KDM4C: variants seen among roughly 807,000 people sequenced by gnomAD.
KDM4C encodes lysine demethylase 4C, also known as lysine-specific demethylase 4C.
A neutral mutation model predicts 129.3 loss-of-function variants in KDM4C; 81 were observed. The ratio of observed to expected loss-of-function variants is 0.63; its 90% confidence interval spans 0.52 to 0.75. The LOEUF (loss-of-function observed/expected upper bound fraction) is 0.75. Ranked by LOEUF, KDM4C falls within the 30% of genes least tolerant of loss-of-function variation. The pLI, the probability that KDM4C is intolerant of heterozygous loss-of-function variation, is 0.00. For missense variants in KDM4C, 1,457 were observed against 1,304.0 expected, an observed-to-expected ratio of 1.12 and a Z score of -1.81; for synonymous variants, 573 against 456.1, an observed-to-expected ratio of 1.26 and a Z score of -3.26.
intron 8 of KDM4C, among the ~76,000 whole-genome samples, chr9:6,935,934 C>T (rs879421854): frequency 2.2e-4 from 34 of 152,190 alleles, no homozygotes; most frequent in Admixed American, 5.9e-4. Context: ...GAATAATAAA[C>T]AGTAAGAGTT....
intron 21 of KDM4C, among the ~76,000 whole-genome samples, chr9:7,174,268 A>G (rs3753002): frequency 0.6 from 84,299 of 139,578 alleles, 23,570 homozygotes; most frequent in East Asian, 0.66. Context: ...GAGATGAAAA[A>G]TGAGGGAAGT....
intron 8 of KDM4C, among the ~76,000 whole-genome samples, chr9:6,953,833 C>T (rs1202279954): frequency 6.6e-6 from 1 of 152,186 alleles, no homozygotes; most frequent in African/African-American, 2.4e-5. Context: ...TCTCTGCTTC[C>T]TGCTGCCTCA....
intron 12 of KDM4C, among the ~76,000 whole-genome samples, chr9:6,990,992 C>T (rs1563944895): frequency 6.6e-6 from 1 of 152,144 alleles, no homozygotes; most frequent in Admixed American, 6.5e-5. Flanking sequence ...CTTTTTCCTT[C>T]ACTAGATCGC....
At chr9:7,087,127 A>G (rs1360782555) in intron 17 of KDM4C, among the ~76,000 whole-genome samples, 1 of 150,426 alleles carries the variant, frequency 6.6e-6, no homozygotes, top group East Asian at 1.9e-4. Context: ...TTAAAGGAGT[A>G]CCCAAATGAT....
chr9:6,858,877 T>G (rs532654969), intron 5 of KDM4C, among the ~76,000 whole-genome samples: 1 of 152,156 alleles, frequency 6.6e-6, no homozygotes, highest in East Asian at 1.9e-4. Context: ...CACACACTAC[T>G]TAATGTCATT....
chr9:7,082,002 T>G (rs548803108), intron 17 of KDM4C, among the ~76,000 whole-genome samples: 3 of 152,268 alleles, frequency 2.0e-5, no homozygotes, highest in Admixed American at 2.0e-4. Context: ...AGATATCAGG[T>G]GTTTTCCACT....
chr9:7,077,554 A>C (rs1010346066), intron 17 of KDM4C, among the ~76,000 whole-genome samples: 1 of 152,202 alleles, frequency 6.6e-6, no homozygotes, highest in East Asian at 1.9e-4. Context: ...GGCTAAGAAG[A>C]GTTCAATAAT....
At chr9:6,845,490 C>T (rs1190750033) in intron 4 of KDM4C, among the ~76,000 whole-genome samples, 1 of 152,178 alleles carries the variant, frequency 6.6e-6, no homozygotes, top group Non-Finnish European at 1.5e-5. Flanking sequence ...ATTGGGATTA[C>T]AGGCATGAGC....
chr9:7,129,145 T>C (rs1564154520), intron 19 of KDM4C, among the ~76,000 whole-genome samples: 1 of 152,172 alleles, frequency 6.6e-6, no homozygotes. Context: ...ATGCTTTGCT[T>C]TTGTTTGTAT....
rs193274315 is a variant in KDM4C at position 7,134,935 on chromosome 9, G to T, written c.2781+6699G>T. On this transcript the variant is annotated intron_variant, in intron 19 of 21. Coordinates refer to ENST00000381309, the MANE Select transcript of KDM4C (RefSeq NM_015061.6). ...TCCTGACTAGTCTTACAAGTTTCGT[G>T]AACTGTCTCTGAAGTCCATGGAGGT... 2.0e-4 allele frequency among the ~76,000 whole-genome samples: 30 copies of T among 152,288 alleles called. No homozygotes were observed. In the East Asian group the frequency reaches 3.3e-3, roughly 17 times the overall value.
chr9:6,885,861 A>G (rs1845186585), intron 6 of KDM4C, among the ~76,000 whole-genome samples: 2 of 152,204 alleles, frequency 1.3e-5, no homozygotes, highest in Non-Finnish European at 2.9e-5. Context: ...GAAATTCTTA[A>G]TATACTGCAA....
chr9:7,027,663 G>C (rs1826024992), intron 15 of KDM4C, among the ~76,000 whole-genome samples: 1 of 152,216 alleles, frequency 6.6e-6, no homozygotes, highest in African/African-American at 2.4e-5. Context: ...CTAGGCTTGT[G>C]TCCTGCCCTT....
chr9:6,746,067 A>G (rs1161456025), intron 1 of KDM4C, among the ~76,000 whole-genome samples: 2 of 151,678 alleles, frequency 1.3e-5, no homozygotes, highest in African/African-American at 4.8e-5. Context: ...CAGCCTCCCA[A>G]AGTGCTGGGA....
chr9:6,787,522 C>A (rs889732422), intron 1 of KDM4C, among the ~76,000 whole-genome samples: 3 of 152,240 alleles, frequency 2.0e-5, no homozygotes, highest in Non-Finnish European at 4.4e-5. Context: ...CGTGAGCCAC[C>A]ACGCCCAGGC....
intron 19 of KDM4C, among the ~76,000 whole-genome samples, chr9:7,156,243 C>T (rs1328043118): frequency 6.6e-6 from 1 of 152,166 alleles, no homozygotes; most frequent in East Asian, 1.9e-4. Context: ...TTTGTAGATT[C>T]TGGATATCAG....
intron 4 of KDM4C, among the ~76,000 whole-genome samples, chr9:6,836,545 TC>T (rs1323129727): frequency 2.0e-5 from 3 of 152,196 alleles, no homozygotes. Flanking sequence ...TTTAGTCCTT[TC>T]CTGCTATGCC....
intron 8 of KDM4C, among the ~76,000 whole-genome samples, chr9:6,972,573 G>A: frequency 6.6e-6 from 1 of 152,136 alleles, no homozygotes; most frequent in Admixed American, 6.5e-5. Context: ...TTAAAAGACT[G>A]TTAAATATTT....
intron 14 of KDM4C, among the ~76,000 whole-genome samples, chr9:7,014,796 G>C (rs911906186): frequency 6.6e-6 from 1 of 152,038 alleles, no homozygotes; most frequent in Non-Finnish European, 1.5e-5. Context: ...GGTTGAAACA[G>C]CTTCCTCATC....
At chr9:7,015,757 G>A in intron 14 of KDM4C, 96 bp from the exon 15 acceptor site, 1 of 772,108 alleles carries the variant, frequency 1.3e-6, no homozygotes, top group Admixed American at 2.0e-5. Flanking sequence ...AGTATGGTAG[G>A]CTAGTGTCCC....
Sources: allele counts gnomAD v4.1 joint callset (sites outside exome capture counted in the v4.1 genomes callset), GRCh38; gene constraint gnomAD v4.1.1; transcripts MANE v1.5; gene names NCBI Gene and HGNC (gene_info 2026-07-23, HGNC 2026-07-21).